ZNF565: variants seen among roughly 807,000 people sequenced by gnomAD.
The protein encoded by ZNF565 is zinc finger protein 565.
Under a neutral mutation model 39.4 loss-of-function variants are expected in ZNF565, and 27 were observed. The observed-to-expected ratio is 0.69, with a 90% CI of 0.51 to 0.95. The LOEUF (loss-of-function observed/expected upper bound fraction) is 0.95. Ranked by LOEUF, ZNF565 falls within the 40% of genes least tolerant of loss-of-function variation. ZNF565 has a pLI of 0.00. For missense variants in ZNF565, 524 were observed against 621.1 expected (o/e 0.84, Z 1.66); for synonymous variants, 185 against 216.6 (o/e 0.85, Z 1.28).
intron 1 of ZNF565, among the ~76,000 whole-genome samples, chr19:36,225,831 G>A (rs1977044273): frequency 6.8e-6 from 1 of 147,096 alleles, no homozygotes; most frequent in East Asian, 2.0e-4. Context: ...CATGATCACG[G>A]CTCACTGCAA....
intron 1 of ZNF565, among the ~76,000 whole-genome samples, chr19:36,240,740 A>G (rs1365504683): frequency 6.6e-6 from 1 of 151,994 alleles, no homozygotes; most frequent in African/African-American, 2.4e-5. Context: ...GTAGTGGCAC[A>G]CACCTGTAAT....
intron 4 of ZNF565, among the ~76,000 whole-genome samples, chr19:36,192,460 G>C (rs1280622499): frequency 6.6e-6 from 1 of 151,948 alleles, no homozygotes; most frequent in East Asian, 2.0e-4. Flanking sequence ...GGATCAGCTG[G>C]CTGGGTGCAG....
intron 1 of ZNF565, chr19:36,238,517 T>C (rs1977729723): frequency 6.0e-6 from 1 of 167,060 alleles, no homozygotes; most frequent in South Asian, 2.1e-4. Flanking sequence ...TGATTCTGGA[T>C]TGTGGTATAG....
At chr19:36,207,097 G>T (rs753631240) in intron 1 of ZNF565, among the ~76,000 whole-genome samples, 11 of 152,142 alleles carry the variant, frequency 7.2e-5, no homozygotes, top group Non-Finnish European at 1.3e-4. Context: ...AGGGCAGCTG[G>T]GATGGAACAT....
At chr19:36,244,183 A>G (rs770108962) in intron 1 of ZNF565, among the ~76,000 whole-genome samples, 2 of 151,962 alleles carry the variant, frequency 1.3e-5, no homozygotes, top group Non-Finnish European at 2.9e-5. Flanking sequence ...CTCTCTCTCT[A>G]TTCTTGCCAC....
At chr19:36,186,122 G>A (rs1267303536) in intron 4 of ZNF565, among the ~76,000 whole-genome samples, 3 of 151,984 alleles carry the variant, frequency 2.0e-5, no homozygotes, top group Non-Finnish European at 2.9e-5. Flanking sequence ...TCAGCCTCCC[G>A]AGTAGCTGAG....
chr19:36,224,324 G>A (rs1316302425), intron 1 of ZNF565, among the ~76,000 whole-genome samples: 2 of 152,218 alleles, frequency 1.3e-5, no homozygotes, highest in African/African-American at 2.4e-5. Flanking sequence ...GGAGGTTGCA[G>A]TGAGCTGAGA....
intron 3 of ZNF565, chr19:36,194,704 A>G (rs1975693415): frequency 2.1e-6 from 1 of 487,272 alleles, no homozygotes. Context: ...TGGGATCCCG[A>G]CAGCTCACCG....
At position 36,234,102 on chromosome 19, in the gene ZNF565, G is replaced by C. The variant is rs905057336; in HGVS notation, c.55+11374C>G. 2.6e-5 allele frequency among the ~76,000 whole-genome samples: 4 copies of C among 152,174 alleles called. No homozygotes were observed. In the East Asian group the frequency reaches 5.8e-4, roughly 22 times the overall value. The stretch of plus-strand genomic sequence containing the variant: ...GGTGATGACTCTTAAGGAGCATGCT[G>C]CCTTCAAGCATTTGTTTAACAAAGC... On this transcript the variant is annotated intron_variant, in intron 1 of 4. Coordinates refer to the ZNF565 transcript ENST00000355114.
chr19:36,228,526 T>A (rs1209867810), intron 1 of ZNF565: 2 of 152,246 alleles, frequency 1.3e-5, no homozygotes, highest in Admixed American at 6.5e-5. Flanking sequence ...TTAATGAGCA[T>A]GGCTTTGAAG....
In ZNF565 at chr19:36,182,824, T is replaced by C. The variant is rs139214220; in HGVS notation, c.1142A>G (p.His381Arg). Residue 381 changes from histidine to arginine, a missense_variant, in exon 5 of 5, where the codon CAT becomes CGT. Coordinates refer to ENST00000304116, the MANE Select transcript of ZNF565 (RefSeq NM_152477.5). ...TCTGTCGCCAGTATGGACTCTCTGA[T>C]GTCGTGTGAGCTGTGCGTGCTGTCT... The part of the protein sequence containing the change: ...AFRQHAQLTR[H>R]QRVHTGDRPY... The C allele has an allele frequency of 1.2e-6, 2 of 1,614,034 alleles. No homozygotes were observed. The highest frequency in any genetic ancestry group is 2.7e-5 in the African/African-American group (2 of 74,900).
At chr19:36,242,237 C>G (rs1202940640) in intron 1 of ZNF565, among the ~76,000 whole-genome samples, 1 of 151,710 alleles carries the variant, frequency 6.6e-6, no homozygotes, top group African/African-American at 2.4e-5. Context: ...CATGGTGAAA[C>G]CTTGTCTCTA....
Position 36,182,561 on chromosome 19 carries a change from GAA to G in ZNF565, c.1403_1404del (p.Ile468ThrfsTer10). Reference sequence around the variant, plus strand: ...CATTCGTAAGGTTTGATACCAGGATGAATTCTCTGATGTTCGGTAAGTTGTGA... The same window carrying G: ...CATTCGTAAGGTTTGATACCAGGATGTTCTCTGATGTTCGGTAAGTTGTGA... ...RSSQLTEHQR[I>X]HPGIKPYECR... On this transcript the variant is annotated frameshift_variant, in exon 5 of 5. Coordinates refer to ENST00000304116, the MANE Select transcript of ZNF565 (RefSeq NM_152477.5). LOFTEE classifies it high-confidence loss of function. The G allele has an allele frequency of 6.2e-7, 1 of 1,613,894 alleles. No individual in the cohort carries two copies. Among genetic ancestry groups the G allele is most frequent in the Non-Finnish European group, 8.5e-7 (1 of 1,179,888 alleles).
chr19:36,182,352 G>A lies in ZNF565; in HGVS notation c.*114C>T, dbSNP rs1340705278. On this transcript the variant is annotated 3_prime_UTR_variant, in exon 5 of 5. Coordinates refer to ENST00000304116, the MANE Select transcript of ZNF565 (RefSeq NM_152477.5). ...TGTGAGTTTTCTGATGTTCTATGAT[G>A]GAAGTGACAGGTGTTTTCTGACATT... The A allele has an allele frequency of 7.2e-6, 6 of 830,438 alleles. No homozygotes were observed. Among genetic ancestry groups the A allele is most frequent in the Non-Finnish European group, 8.6e-6 (5 of 579,758 alleles). 51.4% of individuals were successfully genotyped at this position (830,438 alleles called of 1,614,324 possible).
At chr19:36,185,236 G>A (rs761666066) in intron 4 of ZNF565, among the ~76,000 whole-genome samples, 1 of 151,872 alleles carries the variant, frequency 6.6e-6, no homozygotes, top group African/African-American at 2.4e-5. Context: ...CCAACATGAA[G>A]AAACCCTGTC....
chr19:36,239,549 T>C (rs1319865317), intron 1 of ZNF565, among the ~76,000 whole-genome samples: 1 of 152,096 alleles, frequency 6.6e-6, no homozygotes, highest in Non-Finnish European at 1.5e-5. Context: ...AGTCCCAAAC[T>C]CCTGGGGTGA....
In ZNF565 at chr19:36,234,639, C is replaced by T. The variant is rs56262158; in HGVS notation, c.55+10837G>A. On this transcript the variant is annotated intron_variant, in intron 1 of 4. Coordinates refer to the ZNF565 transcript ENST00000355114. ...GTCTTGATCTCCTGACCTCGTGATC[C>T]GCCCACCTCGGCCTCCCAACGTGCT... is the stretch of plus-strand genomic sequence containing the variant. Among the ~76,000 whole-genome samples the T allele has an allele frequency of 4.9e-3, 747 of 152,262 alleles. 7 individuals carry two copies. Among genetic ancestry groups the T allele is most frequent in the African/African-American group, 0.017 (715 of 41,550 alleles).
At chr19:36,238,278 C>T (rs748237175) in intron 1 of ZNF565, 3 of 167,078 alleles carry the variant, frequency 1.8e-5, no homozygotes, top group Admixed American at 6.5e-5. Context: ...CCTCATAAAA[C>T]TCAGTACTAT....
intron 1 of ZNF565, among the ~76,000 whole-genome samples, chr19:36,225,273 C>A (rs1977017915): frequency 6.6e-6 from 1 of 152,152 alleles, no homozygotes; most frequent in South Asian, 2.1e-4. Flanking sequence ...AAACAACAAT[C>A]CCTCAAAATT....
Sources: gnomAD v4.1 joint callset for allele counts (sites outside exome capture counted in the v4.1 genomes callset) on GRCh38, gnomAD v4.1.1 for gene constraint, MANE v1.5 for transcripts, NCBI Gene and HGNC (gene_info 2026-07-23, HGNC 2026-07-21) for gene names.